CEP57: variants seen among roughly 807,000 people sequenced by gnomAD.
CEP57 encodes centrosomal protein 57.
CEP57 carries 40 observed loss-of-function variants against 68.0 expected under a neutral mutation model. The ratio of observed to expected loss-of-function variants is 0.59; its 90% CI spans 0.46 to 0.77. CEP57 has a LOEUF of 0.77. Ranked by LOEUF, CEP57 falls within the 30% of genes least tolerant of loss-of-function variation. The pLI is 0.00. For missense variants in CEP57, 606 were observed against 580.7 expected, an observed-to-expected ratio of 1.04 and a Z score of -0.45; for synonymous variants, 219 against 198.7, an observed-to-expected ratio of 1.10 and a Z score of -0.86.
chr11:95,820,641 A>G (rs1330608842), intron 6 of CEP57, among the ~76,000 whole-genome samples: 1 of 151,922 alleles, frequency 6.6e-6, no homozygotes, highest in Non-Finnish European at 1.5e-5. Context: ...TGATCAAATG[A>G]GAATAAAAAA....
chr11:95,818,784 T>A, intron 5 of CEP57, 43 bp from the exon 6 acceptor site: 1 of 1,495,746 alleles, frequency 6.7e-7, no homozygotes, highest in African/African-American at 1.4e-5. Flanking sequence ...TACAGACACT[T>A]AAGATTTTTC....
intron 2 of CEP57, among the ~76,000 whole-genome samples, chr11:95,801,600 C>T (rs1409857342): frequency 6.6e-6 from 1 of 151,780 alleles, no homozygotes; most frequent in Non-Finnish European, 1.5e-5. Flanking sequence ...ATTAATCCTT[C>T]AACTATAATA....
At position 95,829,189 on chromosome 11, in the gene CEP57, A is replaced by G; in HGVS notation, c.1130A>G (p.Asp377Gly). 1.9e-6 allele frequency: 3 copies of G among 1,613,894 alleles called. No homozygotes were observed. The highest frequency in any genetic ancestry group is 1.1e-5 in the South Asian group (1 of 91,078). The change falls in exon 10 of 11, where the codon GAT becomes GGT. Residue 377 changes from aspartate to glycine, a missense_variant and splice_region_variant. Asp to Gly is a moderately conservative substitution (Grantham distance 94). Coordinates refer to ENST00000325542, the MANE Select transcript of CEP57 (RefSeq NM_014679.5). ...TTCTACTTCTGCTTTGTATATAGTG[A>G]TCACCAGCAGCTTGCAAAACTTATC... ...LQDEFGQMSF[D>G]HQQLAKLIQE...
At chr11:95,815,140 AAC>A (rs1311637069) in intron 4 of CEP57, 5 of 152,176 alleles carry the variant, frequency 3.3e-5, no homozygotes, top group African/African-American at 1.2e-4. Context: ...ATGGATGCAA[AAC>A]ACACAGATAC....
rs567697564 is a variant in CEP57, at chr11:95,829,107, G to C, written c.1128-80G>C. The stretch of plus-strand genomic sequence containing the variant: ...AGTCATTTTTTAAACACATGGAGCA[G>C]TAACCCATAATGAGGTATAATAGAC... On this transcript the variant is annotated intron_variant, in intron 9 of 10. Transcript: ENST00000325542. 663 of 1,435,962 alleles carry C rather than the reference G, an allele frequency of 4.6e-4. 1 individual carries two copies. Among genetic ancestry groups the C allele is most frequent in the East Asian group, 1.6e-4 (7 of 43,956 alleles). The allele number at this position is 1,435,962 out of a possible 1,614,324, so 89.0% of individuals were successfully genotyped here.
chr11:95,809,681 C>T (rs1052434363), intron 2 of CEP57, among the ~76,000 whole-genome samples: 1 of 152,194 alleles, frequency 6.6e-6, no homozygotes, highest in South Asian at 2.1e-4. Context: ...AGACCAATAG[C>T]AGGCTCTGAA....
intron 5 of CEP57, 97 bp downstream of exon 5, chr11:95,818,000 T>C (rs1007962461): frequency 7.8e-6 from 6 of 771,132 alleles, no homozygotes; most frequent in Non-Finnish European, 1.4e-5. Flanking sequence ...GCATTAAAAG[T>C]GATCTTATAA....
chr11:95,827,682 C>G, intron 8 of CEP57, 104 bp from the exon 9 acceptor site: 1 of 1,291,182 alleles, frequency 7.7e-7, no homozygotes, highest in Middle Eastern at 2.2e-4. Flanking sequence ...TTTATATACT[C>G]TACTTTAGGG....
intron 4 of CEP57, among the ~76,000 whole-genome samples, chr11:95,814,055 G>A (rs1321232028): frequency 1.4e-5 from 2 of 138,562 alleles, no homozygotes; most frequent in South Asian, 2.2e-4. Context: ...TATATTGATT[G>A]ATCAATTGAT....
chr11:95,814,954 A>T (rs1370391216), intron 4 of CEP57, among the ~76,000 whole-genome samples: 2 of 152,228 alleles, frequency 1.3e-5, no homozygotes, highest in Non-Finnish European at 2.9e-5. Flanking sequence ...TATACTATAA[A>T]TTATCTCTAG....
chr11:95,807,428 A>G (rs1383287565), intron 2 of CEP57, among the ~76,000 whole-genome samples: 2 of 152,226 alleles, frequency 1.3e-5, no homozygotes, highest in Non-Finnish European at 2.9e-5. Context: ...TCTGAGCTAA[A>G]GGAAGATATT....
At chr11:95,810,202 A>T in intron 2 of CEP57, among the ~76,000 whole-genome samples, 1 of 152,224 alleles carries the variant, frequency 6.6e-6, no homozygotes, top group South Asian at 2.1e-4. Context: ...GACGTATCTC[A>T]AAACAATATG....
At chr11:95,809,920 T>C (rs1861977461) in intron 2 of CEP57, among the ~76,000 whole-genome samples, 1 of 152,104 alleles carries the variant, frequency 6.6e-6, no homozygotes, top group African/African-American at 2.4e-5. Flanking sequence ...TACACCGATA[T>C]CCCTGATGAT....
chr11:95,819,504 A>G (rs1337809340), intron 6 of CEP57, among the ~76,000 whole-genome samples: 2 of 152,258 alleles, frequency 1.3e-5, no homozygotes, highest in African/African-American at 2.4e-5. Context: ...ATATATAGCA[A>G]GACTACTGAA....
Position 95,822,588 on chromosome 11 carries a change from A to G in CEP57, c.885+12A>G, listed in dbSNP as rs757568493. The G allele has an allele frequency of 3.1e-6, 5 of 1,605,024 alleles. No homozygotes were observed. The highest frequency in any genetic ancestry group is 4.3e-6 in the Non-Finnish European group (5 of 1,171,858). ...TTGTAGCTGGGAAGGTGAGTTGGTCAAACTCCGGATTCTTTTTATACAACA... is the reference window on the plus strand; with the variant it reads ...TTGTAGCTGGGAAGGTGAGTTGGTCGAACTCCGGATTCTTTTTATACAACA... On this transcript the variant is annotated intron_variant, in intron 8 of 10. Transcript: ENST00000325542.
chr11:95,819,982 G>C (rs997149664), intron 6 of CEP57, among the ~76,000 whole-genome samples: 6 of 151,964 alleles, frequency 3.9e-5, no homozygotes, highest in Admixed American at 2.0e-4. Flanking sequence ...AAATTTCTTT[G>C]CCCATTTTCT....
Position 95,818,808 on chromosome 11 carries a change from T to C in CEP57, c.622-19T>C. The C allele has an allele frequency of 6.2e-7, 1 of 1,603,880 alleles. No individual in the cohort carries two copies. On this transcript the variant is annotated intron_variant, in intron 5 of 10. Transcript: ENST00000325542. Reference sequence around the variant, plus strand: ...TTAAGATTTTTCACCTTTATCCCTTTTGACATTTTTATCACTAGAAAAAAA... The same window carrying C: ...TTAAGATTTTTCACCTTTATCCCTTCTGACATTTTTATCACTAGAAAAAAA...
chr11:95,799,285 A>G lies in CEP57; in HGVS notation c.99A>G (p.Ser33=), dbSNP rs1003797153. 2.5e-6 allele frequency: 4 copies of G among 1,614,056 alleles called. No homozygotes were observed. In the African/African-American group the frequency reaches 4.0e-5, roughly 16 times the overall value. ...RSNGSMVRHS[S]SPYVVYPSDK... is the part of the protein sequence containing the mutation. The stretch of plus-strand genomic sequence containing the variant: ...ATGGAAGCATGGTTCGGCATTCTTC[A>G]TCTCCATATGTAGTATATCCTTCGG... Residue 33 remains serine, a synonymous_variant, in exon 2 of 11, where the codon TCA becomes TCG. Transcript: ENST00000325542.
chr11:95,795,871 A>T (rs1861322754), intron 1 of CEP57, among the ~76,000 whole-genome samples: 1 of 152,108 alleles, frequency 6.6e-6, no homozygotes, highest in East Asian at 1.9e-4. Flanking sequence ...TTTTTCAGCT[A>T]AACTGATGTA....
Sources: gnomAD v4.1 joint callset for allele counts (sites outside exome capture counted in the v4.1 genomes callset) on GRCh38, gnomAD v4.1.1 for gene constraint, MANE v1.5 for transcripts, NCBI Gene and HGNC (gene_info 2026-07-23, HGNC 2026-07-21) for gene names.